Variants in RPRD2 observed in about 807,000 individuals in gnomAD.
The protein encoded by RPRD2 is regulation of nuclear pre-mRNA domain containing 2, also known as regulation of nuclear pre-mRNA domain-containing protein 2.
Under a neutral mutation model 104.4 loss-of-function variants are expected in RPRD2, and 12 were observed. That is an observed-to-expected ratio of 0.11 (90% CI 0.07 to 0.19). RPRD2 has a LOEUF of 0.19. Among genes scored for constraint, RPRD2 ranks in the 10% least tolerant of loss-of-function variants. The pLI, the probability that RPRD2 is intolerant of heterozygous loss-of-function variation, is 1.00. For synonymous variants in RPRD2, 714 were observed against 684.9 expected (o/e 1.04, Z -0.66); for missense variants, 1,543 against 1,790.1 (o/e 0.86, Z 2.49).
intron 2 of RPRD2, among the ~76,000 whole-genome samples, chr1:150,429,040 A>G (rs1290601587): frequency 7.2e-5 from 11 of 151,830 alleles, no homozygotes; most frequent in Admixed American, 2.0e-4. Context: ...TAAGCATGTT[A>G]CATGGTTTGT....
At chr1:150,455,393 T>C (rs1667456012) in intron 7 of RPRD2, among the ~76,000 whole-genome samples, 2 of 151,820 alleles carry the variant, frequency 1.3e-5, no homozygotes, top group South Asian at 4.2e-4. Flanking sequence ...TCCCAGCTAC[T>C]CAGGAGGCTG....
At chr1:150,442,842 A>G (rs991003680) in intron 4 of RPRD2, among the ~76,000 whole-genome samples, 9 of 152,214 alleles carry the variant, frequency 5.9e-5, no homozygotes, top group South Asian at 4.2e-4. Context: ...TTTGTCACCA[A>G]TTTTCTTCAG....
At chr1:150,417,906 CTTTT>C (rs1553888881) in intron 2 of RPRD2, among the ~76,000 whole-genome samples, 181 bp downstream of exon 2, 11 of 146,710 alleles carry the variant, frequency 7.5e-5, no homozygotes, top group African/African-American at 2.8e-4. Context: ...CTTTTCTTTT[CTTTT>C]TCTCTCTCTC....
chr1:150,472,855 G>A lies in RPRD2; in HGVS notation c.3907G>A (p.Gly1303Arg). The change falls in exon 11 of 11, where the codon GGA becomes AGA. Residue 1303 changes from glycine to arginine, a missense_variant. By Grantham distance (125) the Gly-to-Arg change is moderately radical (BLOSUM62 -2). Transcript: ENST00000369068. ...TCCTCCACCCCCTGTTGACCACTCT[G>A]GAGTTGTACCCTTCCCAGCCCCACC... ...PPPPPPVDHS[G>R]VVPFPAPPLA... 1 of 1,612,842 alleles carries A rather than the reference G, an allele frequency of 6.2e-7. No homozygotes were observed. The highest frequency in any genetic ancestry group is 1.1e-5 in the South Asian group (1 of 90,932).
chr1:150,461,582 T>C (rs1667934508), intron 9 of RPRD2, among the ~76,000 whole-genome samples: 1 of 151,934 alleles, frequency 6.6e-6, no homozygotes, highest in African/African-American at 2.4e-5. Flanking sequence ...CCAGGTGTGG[T>C]GGCTCACGCC....
At chr1:150,434,703 G>A (rs1553892750) in intron 2 of RPRD2, among the ~76,000 whole-genome samples, 1 of 152,064 alleles carries the variant, frequency 6.6e-6, no homozygotes, top group Non-Finnish European at 1.5e-5. Context: ...TGTAATCCTA[G>A]CTACTCGGGA....
At chr1:150,408,451 GC>G (rs1326207211) in intron 1 of RPRD2, among the ~76,000 whole-genome samples, 24 of 152,030 alleles carry the variant, frequency 1.6e-4, no homozygotes, top group Admixed American at 1.3e-3. Flanking sequence ...ACCGCGCCTG[GC>G]CCGCCTATAC....
chr1:150,402,543 G>A (rs1225100269), intron 1 of RPRD2, among the ~76,000 whole-genome samples: 4 of 152,084 alleles, frequency 2.6e-5, no homozygotes, highest in Admixed American at 6.6e-5. Context: ...ACATGTGGTG[G>A]CACATGCCTG....
At chr1:150,370,961 TATCACATAAC>T (rs1296570920) in intron 1 of RPRD2, among the ~76,000 whole-genome samples, 1 of 152,216 alleles carries the variant, frequency 6.6e-6, no homozygotes, top group Non-Finnish European at 1.5e-5. Context: ...CTTCAGTAGT[TATCACATAAC>T]AGTCTTTTTT....
Position 150,387,567 on chromosome 1 carries a change from C to CTTTTTTTTTTTTTTTTTTTTTTTT in RPRD2, c.205+22666_205+22689dup, listed in dbSNP as rs562476167. Among the ~76,000 whole-genome samples the CTTTTTTTTTTTTTTTTTTTTTTTT allele has an allele frequency of 8.1e-5, 6 of 73,742 alleles. 1 individual carries two copies. The highest frequency in any genetic ancestry group is 2.0e-4 in the Admixed American group (1 of 5,122). The allele number at this position is 73,742 out of a possible 152,430, so 48.4% of individuals were successfully genotyped here. On this transcript the variant is annotated intron_variant, in intron 1 of 10. Coordinates refer to ENST00000369068, the MANE Select transcript of RPRD2 (RefSeq NM_015203.5). ...AAATCTTACAGAAGTTGCAACAGAC[C>CTTTTTTTTTTTTTTTTTTTTTTTT]TTTTTTTTTTTTTTTTTTTTTTTTT...
rs185626176 is a variant in RPRD2, at chr1:150,381,906, A to G, written c.205+16987A>G. On this transcript the variant is annotated intron_variant, in intron 1 of 10. Transcript: ENST00000369068. ...GTAAAGAACATGGGCTTCGATCTCA[A>G]ATAGACATTATGGTTGCTACTAACC... 1.4e-4 allele frequency among the ~76,000 whole-genome samples: 22 copies of G among 152,260 alleles called. No individual in the cohort carries two copies. The East Asian group carries it at 3.3e-3, about 23-fold the overall frequency.
chr1:150,455,066 G>A (rs782690932), intron 7 of RPRD2, among the ~76,000 whole-genome samples: 3 of 152,218 alleles, frequency 2.0e-5, no homozygotes, highest in South Asian at 2.1e-4. Flanking sequence ...TGGTGTGATC[G>A]CAGTAGCAGT....
intron 2 of RPRD2, among the ~76,000 whole-genome samples, chr1:150,418,029 G>T (rs987664491): frequency 6.6e-6 from 1 of 151,092 alleles, no homozygotes; most frequent in African/African-American, 2.4e-5. Flanking sequence ...GTGCAGTGGC[G>T]CGATCTCGGC....
chr1:150,384,019 C>A (rs1419528878), intron 1 of RPRD2, among the ~76,000 whole-genome samples: 1 of 152,094 alleles, frequency 6.6e-6, no homozygotes, highest in Non-Finnish European at 1.5e-5. Context: ...TAGGAACTAC[C>A]AAATTAAAGT....
At chr1:150,445,586 CTAAG>C (rs1429516250) in intron 6 of RPRD2, among the ~76,000 whole-genome samples, 3 of 152,088 alleles carry the variant, frequency 2.0e-5, no homozygotes, top group Admixed American at 6.6e-5. Flanking sequence ...TCTGTTATTC[CTAAG>C]TAAGTAGCAG....
chr1:150,381,731 C>T (rs1661147422), intron 1 of RPRD2, among the ~76,000 whole-genome samples: 1 of 151,992 alleles, frequency 6.6e-6, no homozygotes, highest in African/African-American at 2.4e-5. Context: ...GTCTCGATCT[C>T]CTAACCTCGT....
At chr1:150,459,533 A>G (rs1388520992) in intron 8 of RPRD2, among the ~76,000 whole-genome samples, 3 of 152,214 alleles carry the variant, frequency 2.0e-5, no homozygotes, top group Non-Finnish European at 4.4e-5. Flanking sequence ...CACAAATACT[A>G]AGAAAATGCA....
chr1:150,441,827 C>T (rs782392101), intron 3 of RPRD2, 54 bp from the exon 4 acceptor site: 15 of 1,322,650 alleles, frequency 1.1e-5, no homozygotes, highest in Non-Finnish European at 1.5e-5. Flanking sequence ...CTGAAGTGGA[C>T]AGACAGAACA....
At chr1:150,377,361 G>A (rs1355804311) in intron 1 of RPRD2, among the ~76,000 whole-genome samples, 2 of 152,128 alleles carry the variant, frequency 1.3e-5, no homozygotes, top group African/African-American at 4.8e-5. Flanking sequence ...AGTACTTTGG[G>A]AGGCCGAGGC....
Sources: allele counts gnomAD v4.1 joint callset (sites outside exome capture counted in the v4.1 genomes callset), GRCh38; gene constraint gnomAD v4.1.1; transcripts MANE v1.5; gene names NCBI Gene and HGNC (gene_info 2026-07-23, HGNC 2026-07-21).